RAP1GAP: variants seen among roughly 807,000 people sequenced by gnomAD.
RAP1GAP encodes the protein RAP1 GTPase activating protein, also known as rap1 GTPase-activating protein 1.
In RAP1GAP, 35 loss-of-function variants were observed where a neutral mutation model predicts 87.2. That is an observed-to-expected ratio of 0.40 (90% confidence interval 0.31 to 0.53). The LOEUF (loss-of-function observed/expected upper bound fraction) is 0.53. RAP1GAP is among the 20% of genes least tolerant of loss of function. The probability of loss-of-function intolerance (pLI) is 0.48; values close to 1 mark genes in which losing one functional copy is unlikely to be tolerated. For synonymous variants in RAP1GAP, 375 were observed against 363.9 expected (o/e 1.03, Z -0.35); for missense variants, 734 against 898.9 (o/e 0.82, Z 2.35).
intron 2 of RAP1GAP, among the ~76,000 whole-genome samples, chr1:21,646,999 G>T (rs1370095823): frequency 6.6e-6 from 1 of 152,104 alleles, no homozygotes; most frequent in African/African-American, 2.4e-5. Context: ...TTTGTAAAGG[G>T]GTGGGGGAAA....
At position 21,613,694 on chromosome 1, in the gene RAP1GAP, C is replaced by G; in HGVS notation, c.408G>C (p.Arg136=). ...AGATGGGGATGACATCATGGTATGT[C>G]CGGCACTTGGTCCTGAGAAGAGAAA... ...HLRLLLRTKC[R]TYHDVIPISC... is the part of the protein sequence containing the mutation. Residue 136 remains arginine, a synonymous_variant, in exon 9 of 25, where the codon CGG becomes CGC. Coordinates refer to ENST00000374765, the MANE Select transcript of RAP1GAP (RefSeq NM_002885.4). The surrounding 1 kb of genome is among the most constrained non-coding windows in gnomAD (Gnocchi z 4.7). 6.2e-7 allele frequency: 1 copy of G among 1,612,958 alleles called. No homozygotes were observed. The highest frequency in any genetic ancestry group is 1.7e-5 in the Admixed American group (1 of 60,014).
intron 2 of RAP1GAP, among the ~76,000 whole-genome samples, chr1:21,648,749 C>G (rs1183228474): frequency 6.6e-6 from 1 of 152,170 alleles, no homozygotes; most frequent in Non-Finnish European, 1.5e-5. Flanking sequence ...CTCAAATGGA[C>G]TAGGCACAGC....
rs1558669946 is a variant in RAP1GAP, at chr1:21,611,588, C to T, written c.714-7G>A. The T allele has an allele frequency of 2.5e-6, 4 of 1,614,112 alleles. No homozygotes were observed. Among genetic ancestry groups the T allele is most frequent in the Non-Finnish European group, 2.5e-6 (3 of 1,180,006 alleles). ...GTCCAGGCCTCCTCGGAACCTGCCC[C>T]GGGGCCCCCCAGGCCACGCCTCAGT... is the stretch of plus-strand genomic sequence containing the variant. On this transcript the variant is annotated splice_polypyrimidine_tract_variant and splice_region_variant and intron_variant, in intron 12 of 24. Coordinates refer to ENST00000374765, the MANE Select transcript of RAP1GAP (RefSeq NM_002885.4).
At chr1:21,665,632 C>T (rs1458480765) in intron 1 of RAP1GAP, among the ~76,000 whole-genome samples, 2 of 152,248 alleles carry the variant, frequency 1.3e-5, no homozygotes, top group African/African-American at 4.8e-5. Context: ...TTCCCTTCTT[C>T]CTCTCTGAGT....
rs71661339 is a variant in RAP1GAP, at chr1:21,656,417, TAAAAAAAAAAAAAAAAA to T, written c.-148-6638_-148-6622del. Among the ~76,000 whole-genome samples, 34 of 96,198 alleles carry T rather than the reference TAAAAAAAAAAAAAAAAA, an allele frequency of 3.5e-4. 1 individual carries two copies. Among genetic ancestry groups the T allele is most frequent in the Non-Finnish European group, 4.6e-4 (22 of 47,436 alleles). 63.1% of individuals were successfully genotyped at this position (96,198 alleles called of 152,430 possible). On this transcript the variant is annotated intron_variant, in intron 1 of 24. Transcript: ENST00000374765. ...CTGGGTGACATAGCAAGACTCCATC[TAAAAAAAAAAAAAAAAA>T]AAAAAAAAAAAAAAAAAAAAGACCT...
At position 21,634,947 on chromosome 1, in the gene RAP1GAP, A is replaced by T. The variant is rs1332373923; in HGVS notation, c.-112-8550T>A. On this transcript the variant is annotated intron_variant, in intron 2 of 24. Coordinates refer to ENST00000374765, the MANE Select transcript of RAP1GAP (RefSeq NM_002885.4). The surrounding 1 kb of genome is among the most constrained non-coding windows in gnomAD (Gnocchi z 4.1). ...GGGCCTCTTCCTGCCGGGCAACAAC[A>T]TCATCTGCTTCCCTAGCCTGGCACT... Among the ~76,000 whole-genome samples, 1 of 152,168 alleles carries T rather than the reference A, an allele frequency of 6.6e-6. No individual in the cohort carries two copies. The highest frequency in any genetic ancestry group is 2.4e-5 in the African/African-American group (1 of 41,434).
At chr1:21,607,788 T>C (rs990636407) in intron 17 of RAP1GAP, among the ~76,000 whole-genome samples, 13 of 152,034 alleles carry the variant, frequency 8.6e-5, no homozygotes, top group African/African-American at 3.1e-4. Flanking sequence ...TGTCCCCAAG[T>C]GTAAGCCCAT....
intron 2 of RAP1GAP, among the ~76,000 whole-genome samples, chr1:21,632,880 A>G (rs537007302): frequency 1.4e-4 from 21 of 152,292 alleles, no homozygotes; most frequent in African/African-American, 5.1e-4. Context: ...AGCCCTGGCG[A>G]CAGAGCAAGA....
At chr1:21,643,276 G>A (rs566929161) in intron 2 of RAP1GAP, among the ~76,000 whole-genome samples, 17 of 152,100 alleles carry the variant, frequency 1.1e-4, no homozygotes, top group African/African-American at 3.6e-4. Context: ...AATCCCCTCC[G>A]AGGCTGGGTG....
intron 2 of RAP1GAP, among the ~76,000 whole-genome samples, 157 bp from the exon 3 acceptor site, chr1:21,626,554 A>G (rs1280637958): frequency 6.6e-6 from 1 of 152,184 alleles, no homozygotes; most frequent in East Asian, 1.9e-4. Context: ...GAGGGGCTTC[A>G]TTAGCAGGGC....
chr1:21,625,881 C>T lies in RAP1GAP; in HGVS notation c.-19+423G>A, dbSNP rs980349647. Among the ~76,000 whole-genome samples, 14 of 152,284 alleles carry T rather than the reference C, an allele frequency of 9.2e-5. 1 individual carries two copies. Among genetic ancestry groups the T allele is most frequent in the Middle Eastern group, 3.4e-3 (1 of 294 alleles). Reference sequence around the variant, plus strand: ...TAATGATAGAGGCTCGTTGACAGGGCTCTTGCTCTGTGCCGGATGCTGTGC... The same window carrying T: ...TAATGATAGAGGCTCGTTGACAGGGTTCTTGCTCTGTGCCGGATGCTGTGC... On this transcript the variant is annotated intron_variant, in intron 3 of 24. Coordinates refer to ENST00000374765, the MANE Select transcript of RAP1GAP (RefSeq NM_002885.4).
In RAP1GAP at chr1:21,634,068, G is replaced by C. The variant is rs1033124639; in HGVS notation, c.-112-7671C>G. 6.8e-3 allele frequency among the ~76,000 whole-genome samples: 960 copies of C among 140,298 alleles called. 16 individuals are homozygous for C. Among genetic ancestry groups the C allele is most frequent in the South Asian group, 0.016 (68 of 4,222 alleles). 92.0% of individuals were successfully genotyped at this position (140,298 alleles called of 152,430 possible). ...AGAACTGCCCCCTCCCGGGGGGGGG[G>C]GGGGGCCACAGAAGCCCATTGTTTT... On this transcript the variant is annotated intron_variant, in intron 2 of 24. Coordinates refer to ENST00000374765, the MANE Select transcript of RAP1GAP (RefSeq NM_002885.4). This position sits in a 1 kb window ranked among gnomAD's most constrained non-coding sequence, Gnocchi z 4.1.
Position 21,644,125 on chromosome 1 carries a change from T to G in RAP1GAP, c.-113+5636A>C, listed in dbSNP as rs527779557. 7.2e-5 allele frequency among the ~76,000 whole-genome samples: 11 copies of G among 152,208 alleles called. No individual in the cohort carries two copies. In the East Asian group the frequency reaches 1.9e-3, roughly 27 times the overall value. ...AGCCACAACGCATGTGGAGGGGATT[T>G]TTCTCTTGTCTCCTGAAGCTATAGA... is the stretch of plus-strand genomic sequence containing the variant. On this transcript the variant is annotated intron_variant, in intron 2 of 24. Coordinates refer to ENST00000374765, the MANE Select transcript of RAP1GAP (RefSeq NM_002885.4).
intron 2 of RAP1GAP, among the ~76,000 whole-genome samples, chr1:21,633,701 G>T (rs12090311): frequency 0.19 from 28,945 of 152,020 alleles, 3,501 homozygotes; most frequent in East Asian, 0.35. Flanking sequence ...GGGCAGAGAA[G>T]AATTTTTTGG....
In RAP1GAP at chr1:21,609,566, G is replaced by A; in HGVS notation, c.1071+9C>T. 2 of 1,500,954 alleles carry A rather than the reference G, an allele frequency of 1.3e-6. No homozygotes were observed. Among genetic ancestry groups the A allele is most frequent in the Non-Finnish European group, 9.0e-7 (1 of 1,110,904 alleles). 93.0% of individuals were successfully genotyped at this position (1,500,954 alleles called of 1,614,324 possible). The stretch of plus-strand genomic sequence containing the variant: ...CTGCTCTGCCCATGACTGGGGGGGT[G>A]CCCCTCACCTTCCTGAACACAGCGG... On this transcript the variant is annotated intron_variant, in intron 15 of 24. Coordinates refer to ENST00000374765, the MANE Select transcript of RAP1GAP (RefSeq NM_002885.4). The surrounding 1 kb of genome is among the most constrained non-coding windows in gnomAD (Gnocchi z 4.4).
intron 16 of RAP1GAP, 46 bp from the exon 17 acceptor site, chr1:21,608,396 C>G (rs753133406): frequency 6.3e-7 from 1 of 1,589,414 alleles, no homozygotes; most frequent in South Asian, 1.1e-5. Context: ...AAGGATCAGC[C>G]CTTCGGCCCA....
intron 17 of RAP1GAP, among the ~76,000 whole-genome samples, chr1:21,606,885 G>A (rs574063074): frequency 2.2e-4 from 33 of 152,142 alleles, no homozygotes; most frequent in African/African-American, 7.0e-4. Context: ...CCTAATCTAG[G>A]TCCACCGTCC....
At chr1:21,660,353 T>TATATATATATATATATATATAGAGA in intron 1 of RAP1GAP, among the ~76,000 whole-genome samples, 3 of 26,810 alleles carry the variant, frequency 1.1e-4, no homozygotes, top group Non-Finnish European at 2.5e-4. Flanking sequence ...ATATATTTAT[T>TATATATATATATATATATATAGAGA]GAGACAGTCT....
chr1:21,601,869 C>A, intron 19 of RAP1GAP, 72 bp from the exon 20 acceptor site: 2 of 1,085,696 alleles, frequency 1.8e-6, no homozygotes, highest in Non-Finnish European at 2.6e-6. Flanking sequence ...GAGGCCCAGG[C>A]GGTGAGGGGA....
Sources: gnomAD v4.1 joint callset for allele counts (sites outside exome capture counted in the v4.1 genomes callset) on GRCh38, gnomAD v4.1.1 for gene constraint, Gnocchi (gnomAD v3.1) non-coding constraint, MANE v1.5 for transcripts, NCBI Gene and HGNC (gene_info 2026-07-23, HGNC 2026-07-21) for gene names.